The following TNS1 variants were observed in gnomAD, a reference collection of about 807,000 sequenced individuals.
TNS1 encodes the protein tensin-1.
In TNS1, 62 loss-of-function variants were observed where a neutral mutation model predicts 168.6. That is an observed-to-expected ratio of 0.37 (90% CI 0.30 to 0.45). The LOEUF (loss-of-function observed/expected upper bound fraction) is 0.45. Among genes scored for constraint, TNS1 ranks in the 20% least tolerant of loss-of-function variants. The pLI is 1.00. For missense variants in TNS1, 2,240 were observed against 2,339.4 expected, an observed-to-expected ratio of 0.96 and a Z score of 0.88; for synonymous variants, 934 against 933.2, an observed-to-expected ratio of 1.00 and a Z score of -0.02.
chr2:217,936,913 C>G, intron 3 of TNS1: 1 of 456,630 alleles, frequency 2.2e-6, no homozygotes, highest in South Asian at 1.5e-5. Context: ...GATGCAGACA[C>G]TAAGGCTCAG....
chr2:217,883,738 T>G (rs576304543), intron 16 of TNS1, among the ~76,000 whole-genome samples: 23 of 152,326 alleles, frequency 1.5e-4, no homozygotes, highest in African/African-American at 5.3e-4. Context: ...CATTCTGTAC[T>G]GTAATTATGA....
chr2:217,952,067 C>T lies in TNS1; in HGVS notation c.186+26698G>A, dbSNP rs114733380. Among the ~76,000 whole-genome samples the T allele has an allele frequency of 4.3e-3, 661 of 152,314 alleles. 8 individuals carry two copies. The highest frequency in any genetic ancestry group is 0.015 in the African/African-American group (631 of 41,570). On this transcript the variant is annotated intron_variant, in intron 3 of 32. Transcript: ENST00000682258. ...GAGCACTTGATCTAGGAGAGGGAGC[C>T]GCTGAAGGAACAAACACAAACACAC...
intron 12 of TNS1, among the ~76,000 whole-genome samples, chr2:217,890,107 G>A (rs1348172016): frequency 6.6e-6 from 1 of 152,086 alleles, no homozygotes; most frequent in Admixed American, 6.6e-5. Context: ...CCCCTCCCTC[G>A]GCTCAGCTTC....
At chr2:217,887,803 A>G (rs1318145890) in intron 12 of TNS1, among the ~76,000 whole-genome samples, 2 of 152,232 alleles carry the variant, frequency 1.3e-5, no homozygotes, top group Non-Finnish European at 2.9e-5. Flanking sequence ...CATCTGCCCA[A>G]TAAACTAGAG....
At chr2:217,871,407 T>C (rs1949763777) in intron 18 of TNS1, among the ~76,000 whole-genome samples, 1 of 152,100 alleles carries the variant, frequency 6.6e-6, no homozygotes, top group Non-Finnish European at 1.5e-5. Flanking sequence ...AATCTCAGGC[T>C]CTCAGCACCC....
chr2:217,966,296 TGTGTGTGTGTGTGC>T (rs1163123280), intron 3 of TNS1, among the ~76,000 whole-genome samples: 5 of 145,894 alleles, frequency 3.4e-5, no homozygotes, highest in African/African-American at 1.4e-4. Context: ...TGTGTGTGTG[TGTGTGTGTGTGTGC>T]GCGCGCGCGC....
At chr2:218,011,372 C>G (rs1489350855), upstream of TNS1, among the ~76,000 whole-genome samples, 2 of 151,918 alleles carry the variant, frequency 1.3e-5, no homozygotes, top group African/African-American at 2.4e-5. Context: ...GGAGGGGCAC[C>G]CATGAGCATT....
At position 217,813,054 on chromosome 2, in the gene TNS1, C is replaced by T. The variant is rs753322254; in HGVS notation, c.4954+161G>A. ...TTTGGCAGAGTTAGGAGCCGCACTG[C>T]GGAGGGAGAGAAGCTTTCATTCATT... On this transcript the variant is annotated intron_variant, in intron 27 of 32. Transcript: ENST00000682258. The surrounding 1 kb of genome is among the most constrained non-coding windows in gnomAD (Gnocchi z 4.0). Among the ~76,000 whole-genome samples the T allele has an allele frequency of 1.3e-5, 2 of 152,204 alleles. No individual in the cohort carries two copies. The highest frequency in any genetic ancestry group is 1.5e-5 in the Non-Finnish European group (1 of 68,036).
chr2:217,941,128 G>A (rs929624192), intron 3 of TNS1, among the ~76,000 whole-genome samples: 1 of 152,206 alleles, frequency 6.6e-6, no homozygotes, highest in South Asian at 2.1e-4. Flanking sequence ...GAGTTTTTCT[G>A]CATCTCAGAT....
intron 24 of TNS1, among the ~76,000 whole-genome samples, chr2:217,817,488 C>T (rs1441849448): frequency 6.6e-6 from 1 of 152,208 alleles, no homozygotes; most frequent in African/African-American, 2.4e-5. Flanking sequence ...ATCCTCATCT[C>T]AGCATCCACA....
chr2:217,944,293 G>A (rs1957045818), intron 3 of TNS1, among the ~76,000 whole-genome samples: 2 of 152,320 alleles, frequency 1.3e-5, no homozygotes, highest in South Asian at 4.1e-4. Context: ...GAATGTGGCT[G>A]CCCCTCCTTC....
Position 217,810,322 on chromosome 2 carries a change from A to G in TNS1, c.5033-3T>C, listed in dbSNP as rs1940614962. On this transcript the variant is annotated splice_region_variant and splice_polypyrimidine_tract_variant and intron_variant, in intron 28 of 32. Transcript: ENST00000682258. ...ATCTTTCGATTCATCTGTGGGGTCT[A>G]AGACAAAAATTCAGTAGGAATTAAA... The G allele has an allele frequency of 1.9e-6, 3 of 1,614,026 alleles. No homozygotes were observed. The highest frequency in any genetic ancestry group is 2.5e-6 in the Non-Finnish European group (3 of 1,180,012).
intron 3 of TNS1, among the ~76,000 whole-genome samples, chr2:217,972,456 C>T (rs1957793419): frequency 6.6e-6 from 1 of 152,232 alleles, no homozygotes; most frequent in Admixed American, 6.5e-5. Flanking sequence ...TGCAATGAGA[C>T]TGAAAGGTGG....
intron 28 of TNS1, 135 bp downstream of exon 28, chr2:217,812,233 T>G: frequency 1.6e-6 from 1 of 623,950 alleles, no homozygotes; most frequent in East Asian, 3.0e-5. Context: ...GAGAGTAGTT[T>G]TGAGTTTCTC....
intron 18 of TNS1, among the ~76,000 whole-genome samples, chr2:217,868,963 G>A (rs554337296): frequency 2.8e-4 from 42 of 152,392 alleles, no homozygotes; most frequent in African/African-American, 1.0e-3. Flanking sequence ...AAGGTCTTGT[G>A]TCAGGGAGAG....
intron 3 of TNS1, among the ~76,000 whole-genome samples, chr2:217,930,183 CA>C (rs1243742685): frequency 5.3e-5 from 8 of 152,228 alleles, no homozygotes; most frequent in African/African-American, 1.9e-4. Context: ...TAGGGGCTAT[CA>C]GTCCATTTCA....
intron 1 of TNS1, among the ~76,000 whole-genome samples, chr2:218,020,944 C>A (rs28586997): frequency 0.37 from 56,502 of 152,084 alleles, 11,297 homozygotes; most frequent in African/African-American, 0.52. Context: ...GATAAGCAAC[C>A]ATTTACGTCC....
In TNS1 at chr2:217,821,945, G is replaced by T; in HGVS notation, c.3374-7C>A. ...TCCACATAGCTCCGGGGCTCTGGAA[G>T]GGGCAAGAGGACAGAGACACTGAGC... is the stretch of plus-strand genomic sequence containing the variant. On this transcript the variant is annotated splice_polypyrimidine_tract_variant and splice_region_variant and intron_variant, in intron 22 of 32. Transcript: ENST00000682258. 1 of 1,577,258 alleles carries T rather than the reference G, an allele frequency of 6.3e-7. No homozygotes were observed. Among genetic ancestry groups the T allele is most frequent in the East Asian group, 2.3e-5 (1 of 42,994 alleles).
At chr2:217,975,266 C>T (rs763173403) in intron 3 of TNS1, among the ~76,000 whole-genome samples, 4 of 152,124 alleles carry the variant, frequency 2.6e-5, no homozygotes, top group Non-Finnish European at 4.4e-5. Context: ...TCAGCTGCAA[C>T]CCCATGAGAG....
Sources: gnomAD v4.1 joint callset for allele counts (sites outside exome capture counted in the v4.1 genomes callset) on GRCh38, gnomAD v4.1.1 for gene constraint, Gnocchi (gnomAD v3.1) non-coding constraint, MANE v1.5 for transcripts, NCBI Gene and HGNC (gene_info 2026-07-23, HGNC 2026-07-21) for gene names.